PDE1A: variants seen among roughly 807,000 people sequenced by gnomAD.
PDE1A encodes dual specificity calcium/calmodulin-dependent 3',5'-cyclic nucleotide phosphodiesterase 1A.
PDE1A carries 35 observed loss-of-function variants against 61.7 expected under a neutral mutation model. That is an observed-to-expected ratio of 0.57 (90% confidence interval 0.43 to 0.75). The LOEUF (loss-of-function observed/expected upper bound fraction) is 0.75. PDE1A is among the 30% of genes least tolerant of loss of function. PDE1A has a pLI of 0.00. For missense variants in PDE1A, 597 were observed against 630.6 expected, an observed-to-expected ratio of 0.95 and a Z score of 0.57; for synonymous variants, 232 against 213.2, an observed-to-expected ratio of 1.09 and a Z score of -0.77.
intron 2 of PDE1A, among the ~76,000 whole-genome samples, chr2:182,435,392 G>C (rs1445192820): frequency 6.6e-6 from 1 of 151,978 alleles, no homozygotes; most frequent in East Asian, 1.9e-4. Context: ...CAACTAGCAG[G>C]ATAAGAAGAA....
At chr2:182,158,200 T>G (rs114895561) in intron 13 of PDE1A, among the ~76,000 whole-genome samples, 1,740 of 152,286 alleles carry the variant, frequency 0.011, 25 homozygotes, top group Middle Eastern at 0.041. Flanking sequence ...ACTTGTAAAT[T>G]CATGCTTTAA....
chr2:182,269,534 A>T (rs1475513060), intron 1 of PDE1A, among the ~76,000 whole-genome samples: 1 of 152,008 alleles, frequency 6.6e-6, no homozygotes, highest in African/African-American at 2.4e-5. Flanking sequence ...AAAATTAAGG[A>T]TGTAATAATA....
At chr2:182,628,817 A>AC in the PDE1A span, among the ~76,000 whole-genome samples, 14 of 151,602 alleles carry the variant, frequency 9.2e-5, no homozygotes, top group African/African-American at 2.4e-4. Context: ...CCTACTCTTG[A>AC]CCCCCCCAGT....
At chr2:182,394,499 C>T (rs1479963977) in intron 1 of PDE1A, among the ~76,000 whole-genome samples, 1 of 152,078 alleles carries the variant, frequency 6.6e-6, no homozygotes, top group East Asian at 1.9e-4. Flanking sequence ...CACAGCCAAA[C>T]CAGACCACAG....
intron 13 of PDE1A, among the ~76,000 whole-genome samples, chr2:182,182,897 T>C (rs1272209774): frequency 1.3e-5 from 2 of 152,218 alleles, no homozygotes; most frequent in African/African-American, 4.8e-5. Context: ...ACCAGTTTAC[T>C]ATATAGAAAT....
intron 2 of PDE1A, among the ~76,000 whole-genome samples, chr2:182,251,493 G>T (rs1239737029): frequency 6.6e-6 from 1 of 152,080 alleles, no homozygotes; most frequent in Non-Finnish European, 1.5e-5. Flanking sequence ...CATCACCTGG[G>T]AACTTGTTAG....
chr2:182,420,037 A>C (rs1393194264), intron 1 of PDE1A, among the ~76,000 whole-genome samples: 1 of 150,610 alleles, frequency 6.6e-6, no homozygotes, highest in Non-Finnish European at 1.5e-5. Flanking sequence ...GTATAATATA[A>C]TTAATACTAA....
chr2:182,368,330 C>T, intron 1 of PDE1A, among the ~76,000 whole-genome samples: 1 of 146,128 alleles, frequency 6.8e-6, no homozygotes, highest in Non-Finnish European at 1.5e-5. Flanking sequence ...TCCAGAACAC[C>T]CCAGCCCCCC....
At chr2:182,289,702 T>C (rs763014990) in intron 1 of PDE1A, among the ~76,000 whole-genome samples, 1 of 152,150 alleles carries the variant, frequency 6.6e-6, no homozygotes, top group Non-Finnish European at 1.5e-5. Flanking sequence ...CTGAAACTTA[T>C]TATTGCCTTT....
chr2:182,186,638 T>C, intron 11 of PDE1A, 50 bp from the exon 12 acceptor site: 1 of 1,542,122 alleles, frequency 6.5e-7, no homozygotes, highest in Non-Finnish European at 8.8e-7. Context: ...AGTGTTACAA[T>C]TTCCTGAATT....
chr2:182,708,099 T>C, the PDE1A span, among the ~76,000 whole-genome samples: 2 of 152,176 alleles, frequency 1.3e-5, no homozygotes, highest in Non-Finnish European at 1.5e-5. Flanking sequence ...ATTATATATA[T>C]GTACCAAAAT....
At chr2:182,453,040 A>T (rs1178430451) in intron 2 of PDE1A, among the ~76,000 whole-genome samples, 1 of 152,156 alleles carries the variant, frequency 6.6e-6, no homozygotes, top group Non-Finnish European at 1.5e-5. Flanking sequence ...TTAAATGAAG[A>T]TAGATACTTT....
intron 1 of PDE1A, among the ~76,000 whole-genome samples, chr2:182,386,884 C>T (rs1200810340): frequency 6.6e-6 from 1 of 152,144 alleles, no homozygotes; most frequent in Admixed American, 6.5e-5. Flanking sequence ...AGGTGAGGAG[C>T]CCCTCTGCCC....
At chr2:182,686,655 C>A in the PDE1A span, among the ~76,000 whole-genome samples, 419 of 152,320 alleles carry the variant, frequency 2.8e-3, no homozygotes, top group Non-Finnish European at 4.6e-3. Flanking sequence ...CCGGGTTCAT[C>A]TCACTGGGGC....
In PDE1A at chr2:182,446,723, T is replaced by C. The variant is rs189100887; in HGVS notation, c.101+75553A>G. On this transcript the variant is annotated intron_variant, in intron 2 of 14. Transcript: ENST00000410103. ...TTCAAATGATTAAATATTAAGTTTA[T>C]GTGCCCTTCAATGATTAAGCAGCCT... is the stretch of plus-strand genomic sequence containing the variant. Among the ~76,000 whole-genome samples, 70 of 152,208 alleles carry C rather than the reference T, an allele frequency of 4.6e-4. 2 individuals are homozygous for C. In the East Asian group the frequency reaches 0.013, roughly 27 times the overall value.
At chr2:182,373,205 G>A (rs1269850401) in intron 1 of PDE1A, among the ~76,000 whole-genome samples, 1 of 152,112 alleles carries the variant, frequency 6.6e-6, no homozygotes, top group African/African-American at 2.4e-5. Context: ...TATAATAATG[G>A]AAGGGGAACC....
chr2:182,293,621 A>T (rs1363712271), intron 1 of PDE1A, among the ~76,000 whole-genome samples: 1 of 152,168 alleles, frequency 6.6e-6, no homozygotes, highest in African/African-American at 2.4e-5. Flanking sequence ...CTCCCAGTGG[A>T]TGTCTGAAAC....
At chr2:182,380,358 C>T (rs567651183) in intron 1 of PDE1A, among the ~76,000 whole-genome samples, 27 of 151,896 alleles carry the variant, frequency 1.8e-4, no homozygotes, top group Non-Finnish European at 2.6e-4. Context: ...GTGATCCACC[C>T]GTCTCGGCCT....
At chr2:182,385,039 A>G (rs749444832) in intron 1 of PDE1A, among the ~76,000 whole-genome samples, 1 of 152,210 alleles carries the variant, frequency 6.6e-6, no homozygotes, top group Admixed American at 6.5e-5. Context: ...CTAAAGGGAC[A>G]AACTGTCAAC....
Sources: allele counts gnomAD v4.1 joint callset (sites outside exome capture counted in the v4.1 genomes callset), GRCh38; gene constraint gnomAD v4.1.1; transcripts MANE v1.5; gene names NCBI Gene and HGNC (gene_info 2026-07-23, HGNC 2026-07-21).